Variants in TMLHE observed in about 807,000 individuals in gnomAD.
The protein encoded by TMLHE is trimethyllysine hydroxylase, epsilon.
A neutral mutation model predicts 25.7 loss-of-function variants in TMLHE; 18 were observed. The ratio of observed to expected loss-of-function variants is 0.70; its 90% confidence interval spans 0.48 to 1.04. The LOEUF is 1.04. TMLHE is among the 50% of genes least tolerant of loss of function. TMLHE has a pLI of 0.00. For missense variants in TMLHE, 236 were observed against 259.0 expected (o/e 0.91, Z 0.61); for synonymous variants, 105 against 97.0 (o/e 1.08, Z -0.49).
rs2067571021 is a variant in TMLHE, at chrX:155,573,646, T to C, written c.-1-28369A>G. Among the ~76,000 whole-genome samples, 2 of 55,721 alleles carry C rather than the reference T, an allele frequency of 3.6e-5. 1 individual carries two copies. The allele number at this position is 55,721 out of a possible 115,157, so 48.4% of individuals were successfully genotyped here. On this transcript the variant is annotated intron_variant, in intron 1 of 7. Transcript: ENST00000334398. ...GGCACATATACACAATGAAATACCA[T>C]GCAGCCATAAAAAATGATGAGTTCA...
intron 4 of TMLHE, among the ~76,000 whole-genome samples, chrX:155,512,750 A>T (rs1315458021): frequency 3.6e-5 from 4 of 111,847 alleles, no homozygotes; most frequent in Non-Finnish European, 5.6e-5. Context: ...ATTAATGTAG[A>T]TCCTCACTCA....
At chrX:155,548,029 C>G (rs376738317) in intron 1 of TMLHE, among the ~76,000 whole-genome samples, 1 of 111,637 alleles carries the variant, frequency 9.0e-6, no homozygotes. Flanking sequence ...TCAGCCCAAG[C>G]AAAACTGGAT....
chrX:155,548,423 T>G (rs1467169473), intron 1 of TMLHE, among the ~76,000 whole-genome samples: 1 of 111,653 alleles, frequency 9.0e-6, no homozygotes, highest in Non-Finnish European at 1.9e-5. Context: ...GACAAAGTAT[T>G]AATATCAAGA....
At chrX:155,603,597 T>C (rs782254041) in intron 1 of TMLHE, among the ~76,000 whole-genome samples, 10 of 111,715 alleles carry the variant, frequency 9.0e-5, no homozygotes, top group Middle Eastern at 4.7e-3. Context: ...TGGAACACAA[T>C]TGAGAGGTCG....
At chrX:155,522,581 C>T (rs958919595) in intron 3 of TMLHE, among the ~76,000 whole-genome samples, 2 of 112,133 alleles carry the variant, frequency 1.8e-5, no homozygotes, top group African/African-American at 3.2e-5. Context: ...AACTCCTGGA[C>T]ACCAATAATC....
intron 3 of TMLHE, among the ~76,000 whole-genome samples, chrX:155,516,882 A>C: frequency 1.4e-5 from 1 of 70,165 alleles, no homozygotes; most frequent in Non-Finnish European, 2.8e-5. Flanking sequence ...TTTTTCTTGT[A>C]AATTTGTTGG....
intron 1 of TMLHE, among the ~76,000 whole-genome samples, chrX:155,591,862 TA>T (rs1440427124): frequency 8.9e-6 from 1 of 111,787 alleles, no homozygotes; most frequent in African/African-American, 3.3e-5. Flanking sequence ...CCAAAACATA[TA>T]AAATCAGTCT....
chrX:155,515,398 T>C (rs1354100243), intron 3 of TMLHE, among the ~76,000 whole-genome samples: 2 of 110,476 alleles, frequency 1.8e-5, no homozygotes, highest in African/African-American at 3.3e-5. Context: ...GGTATGTACA[T>C]TTATTTTTAA....
chrX:155,577,261 A>T (rs2067596475), intron 1 of TMLHE, among the ~76,000 whole-genome samples: 1 of 112,181 alleles, frequency 8.9e-6, no homozygotes, highest in South Asian at 3.7e-4. Context: ...AAAGTGCTAA[A>T]CATCACCAAA....
At chrX:155,506,810 G>A (rs1438559912) in intron 6 of TMLHE, 88 bp downstream of exon 6, 1 of 722,202 alleles carries the variant, frequency 1.4e-6, no homozygotes, top group Non-Finnish European at 2.2e-6. Context: ...AAATGTAGCA[G>A]ATATAAGAAT....
In TMLHE at chrX:155,514,077, T is replaced by C. The variant is rs146819200; in HGVS notation, c.547A>G (p.Asn183Asp). 21 of 1,209,451 alleles carry C rather than the reference T, an allele frequency of 1.7e-5. No homozygotes were observed. Among genetic ancestry groups the C allele is most frequent in the Non-Finnish European group, 2.2e-5 (20 of 894,908 alleles). The change falls in exon 4 of 8, where the codon AAC becomes GAC. Residue 183 changes from asparagine (N) to aspartate (D), a missense_variant. Around this residue, in one of 2 missense-constraint regions of TMLHE, gnomAD observed 217 missense variants for 214.6 expected, o/e 1.01. Transcript: ENST00000334398. The stretch of plus-strand genomic sequence containing the variant: ...AATGCAATTCCATAGAGCAGAAAGT[T>C]TTGCAGAAACTTCTTCAGTCCCTCG... Reference protein sequence around the residue: ...TNEGLKKFLQNFLLYGIAFVE... With the variant: ...TNEGLKKFLQDFLLYGIAFVE...
chrX:155,596,661 T>C (rs2067722373), intron 1 of TMLHE, among the ~76,000 whole-genome samples: 1 of 112,032 alleles, frequency 8.9e-6, no homozygotes, highest in South Asian at 3.8e-4. Flanking sequence ...CCCAATACAC[T>C]GTCCCCTAAA....
chrX:155,577,670 C>G lies in TMLHE; in HGVS notation c.-1-32393G>C, dbSNP rs782054466. 3.6e-4 allele frequency among the ~76,000 whole-genome samples: 40 copies of G among 111,527 alleles called. No homozygotes were observed. The South Asian group carries it at 0.015, about 42-fold the overall frequency. On this transcript the variant is annotated intron_variant, in intron 1 of 7. Coordinates refer to ENST00000334398, the MANE Select transcript of TMLHE (RefSeq NM_018196.4). ...GTTCATAGTGGCTGATTAGATGTAGCTAGTATATGCCCCTTCCATGGAGAT... is the reference window on the plus strand; with the variant it reads ...GTTCATAGTGGCTGATTAGATGTAGGTAGTATATGCCCCTTCCATGGAGAT...
At chrX:155,610,962 G>T (rs1160362954) in intron 1 of TMLHE, among the ~76,000 whole-genome samples, 1 of 111,633 alleles carries the variant, frequency 9.0e-6, no homozygotes, top group African/African-American at 3.3e-5. Flanking sequence ...TGAATGAACA[G>T]AGTATGATGA....
chrX:155,601,453 G>A (rs1037299456), intron 1 of TMLHE, among the ~76,000 whole-genome samples: 1 of 111,576 alleles, frequency 9.0e-6, no homozygotes. Flanking sequence ...TCCCTGTGTT[G>A]CTGAAATTAA....
chrX:155,584,177 A>G (rs1451187489), intron 1 of TMLHE, among the ~76,000 whole-genome samples: 1 of 110,528 alleles, frequency 9.0e-6, no homozygotes, highest in Non-Finnish European at 1.9e-5. Flanking sequence ...AGAACCCAAC[A>G]AAAATTCTGA....
intron 2 of TMLHE, among the ~76,000 whole-genome samples, chrX:155,530,394 A>G (rs1050238195): frequency 2.7e-4 from 30 of 111,839 alleles, no homozygotes; most frequent in Admixed American, 2.4e-3. Flanking sequence ...AGAGAGAATA[A>G]AACAGTGGTT....
At chrX:155,580,416 T>A in intron 1 of TMLHE, among the ~76,000 whole-genome samples, 1 of 111,693 alleles carries the variant, frequency 9.0e-6, no homozygotes, top group Middle Eastern at 4.6e-3. Flanking sequence ...ACCTCTACAG[T>A]ATGGAGATTT....
intron 3 of TMLHE, among the ~76,000 whole-genome samples, chrX:155,522,740 A>G (rs2067196071): frequency 8.9e-6 from 1 of 112,025 alleles, no homozygotes; most frequent in South Asian, 3.7e-4. Flanking sequence ...GTAGGATTTT[A>G]TTGTATGGAT....
Sources: allele counts gnomAD v4.1 joint callset (sites outside exome capture counted in the v4.1 genomes callset), GRCh38; gene constraint gnomAD v4.1.1; regional missense constraint gnomAD v4.1.1; transcripts MANE v1.5; gene names NCBI Gene and HGNC (gene_info 2026-07-23, HGNC 2026-07-21).